Variants in DIP2C observed in about 807,000 individuals in gnomAD.
The protein encoded by DIP2C is DIP2 acetate--CoA ligase C (putative).
A neutral mutation model predicts 192.4 loss-of-function variants in DIP2C; 33 were observed. The ratio of observed to expected loss-of-function variants is 0.17; its 90% CI spans 0.13 to 0.23. The LOEUF is 0.23. DIP2C is among the 10% of genes least tolerant of loss of function. The probability of loss-of-function intolerance (pLI) is 1.00; values close to 1 mark genes in which losing one functional copy is unlikely to be tolerated. For synonymous variants in DIP2C, 979 were observed against 864.1 expected (o/e 1.13, Z -2.33); for missense variants, 1,537 against 2,110.1 (o/e 0.73, Z 5.32).
In DIP2C at chr10:276,566, G is replaced by A. The variant is rs1461356085; in HGVS notation, c.*759C>T. On this transcript the variant is annotated 3_prime_UTR_variant, in exon 37 of 37. Coordinates refer to ENST00000280886, the MANE Select transcript of DIP2C (RefSeq NM_014974.3). ...TTCTTGAATGTTTTTCTCTTTTATA[G>A]TTCTAAAGAGATCAAAATAAATTAA... 1 of 152,376 alleles carries A rather than the reference G, an allele frequency of 6.6e-6. No homozygotes were observed. The highest frequency in any genetic ancestry group is 1.5e-5 in the Non-Finnish European group (1 of 68,008). 9.4% of individuals were successfully genotyped at this position (152,376 alleles called of 1,614,324 possible).
chr10:370,480 C>T (rs1285242917), intron 17 of DIP2C, among the ~76,000 whole-genome samples: 2 of 152,220 alleles, frequency 1.3e-5, no homozygotes, highest in African/African-American at 4.8e-5. Context: ...AGTGTGCCCA[C>T]CCCACAGCAC....
At chr10:551,823 A>C (rs1848605020) in intron 1 of DIP2C, among the ~76,000 whole-genome samples, 2 of 152,194 alleles carry the variant, frequency 1.3e-5, no homozygotes, top group Non-Finnish European at 2.9e-5. Flanking sequence ...ACCTCGGGCC[A>C]CTGCACCTTT....
intron 1 of DIP2C, among the ~76,000 whole-genome samples, chr10:612,652 C>G (rs780870820): frequency 1.3e-5 from 2 of 152,128 alleles, no homozygotes; most frequent in Non-Finnish European, 2.9e-5. Context: ...TCCAAAGGGC[C>G]CGGCCACAGC....
chr10:446,846 T>C (rs1396537477), intron 3 of DIP2C, among the ~76,000 whole-genome samples: 1 of 152,210 alleles, frequency 6.6e-6, no homozygotes, highest in African/African-American at 2.4e-5. Context: ...TTTTCTCCTT[T>C]ATTTTTTGTC....
At chr10:518,572 T>TC (rs1030047007) in intron 1 of DIP2C, among the ~76,000 whole-genome samples, 12 of 152,240 alleles carry the variant, frequency 7.9e-5, no homozygotes, top group South Asian at 2.1e-4. Flanking sequence ...TCTCTTGCCC[T>TC]CCCACTGTGT....
At chr10:443,335 T>C (rs1383384257) in intron 3 of DIP2C, among the ~76,000 whole-genome samples, 1 of 152,246 alleles carries the variant, frequency 6.6e-6, no homozygotes, top group Non-Finnish European at 1.5e-5. Context: ...CTTCTGTCAA[T>C]ATGAACTCAT....
intron 1 of DIP2C, among the ~76,000 whole-genome samples, chr10:579,610 TAC>T (rs992246670): frequency 8.5e-5 from 13 of 152,104 alleles, no homozygotes; most frequent in African/African-American, 1.2e-4. Context: ...CCAAATAGTG[TAC>T]AAACATGTGC....
intron 29 of DIP2C, among the ~76,000 whole-genome samples, chr10:338,615 C>T (rs1957987501): frequency 6.6e-6 from 1 of 152,294 alleles, no homozygotes; most frequent in Admixed American, 6.5e-5. Flanking sequence ...AAGCAAACTC[C>T]ATGTTTACAT....
chr10:283,509 C>T (rs962935746), intron 34 of DIP2C, 63 bp from the exon 35 acceptor site: 4 of 1,576,568 alleles, frequency 2.5e-6, no homozygotes, highest in Non-Finnish European at 3.5e-6. Flanking sequence ...AATGAGACTA[C>T]AACTACTTTG....
At chr10:495,257 C>G (rs1045029563) in intron 1 of DIP2C, among the ~76,000 whole-genome samples, 2 of 152,092 alleles carry the variant, frequency 1.3e-5, no homozygotes, top group Admixed American at 6.6e-5. Context: ...CAAGGGCACA[C>G]ACTTCAAGAA....
chr10:484,987 T>C (rs1201093109), intron 2 of DIP2C: 5 of 1,554,918 alleles, frequency 3.2e-6, no homozygotes, highest in Non-Finnish European at 4.3e-6. Flanking sequence ...ATTCAAACTT[T>C]AGTTTTTTTT....
chr10:635,936 G>A (rs928907072), intron 1 of DIP2C, among the ~76,000 whole-genome samples: 5 of 152,148 alleles, frequency 3.3e-5, no homozygotes, highest in African/African-American at 4.8e-5. Flanking sequence ...GACGATCATC[G>A]AGATAGAGTC....
intron 1 of DIP2C, among the ~76,000 whole-genome samples, chr10:642,400 C>T (rs926617845): frequency 6.6e-6 from 1 of 152,340 alleles, no homozygotes; most frequent in South Asian, 2.1e-4. Context: ...CCTAAACACG[C>T]CCATCTCATC....
intron 1 of DIP2C, among the ~76,000 whole-genome samples, chr10:611,065 T>C (rs1465974478): frequency 6.6e-6 from 1 of 151,054 alleles, no homozygotes; most frequent in Non-Finnish European, 1.5e-5. Flanking sequence ...TAACACCCAG[T>C]GTTGGAGGTG....
intron 6 of DIP2C, among the ~76,000 whole-genome samples, chr10:418,140 C>A (rs564371168): frequency 7.6e-5 from 3 of 39,684 alleles, no homozygotes; most frequent in Non-Finnish European, 4.2e-5. Flanking sequence ...TCCCTGTCCA[C>A]CTGCACCTGT....
intron 1 of DIP2C, among the ~76,000 whole-genome samples, chr10:660,980 T>C (rs1007708181): frequency 2.0e-5 from 3 of 152,212 alleles, no homozygotes; most frequent in African/African-American, 7.2e-5. Context: ...TACGAGGCAT[T>C]TCAGGCAAAA....
intron 1 of DIP2C, among the ~76,000 whole-genome samples, chr10:557,769 G>GGGC (rs1848970928): frequency 4.4e-5 from 3 of 68,390 alleles, no homozygotes; most frequent in Non-Finnish European, 5.7e-5. Context: ...GGAGGGGGAG[G>GGGC]ATGGGCGGGG....
chr10:681,359 G>A (rs1316119485), intron 1 of DIP2C, among the ~76,000 whole-genome samples: 1 of 150,856 alleles, frequency 6.6e-6, no homozygotes, highest in Admixed American at 6.6e-5. Context: ...AGGGAATGCA[G>A]ACCCTCAGTC....
chr10:337,226 G>C (rs1356238549), intron 29 of DIP2C, among the ~76,000 whole-genome samples: 1 of 137,390 alleles, frequency 7.3e-6, no homozygotes, highest in Non-Finnish European at 1.5e-5. Context: ...GTGTGTGGTG[G>C]AGGCCTAGGC....
Sources: allele counts gnomAD v4.1 joint callset (sites outside exome capture counted in the v4.1 genomes callset), GRCh38; gene constraint gnomAD v4.1.1; transcripts MANE v1.5; gene names NCBI Gene and HGNC (gene_info 2026-07-23, HGNC 2026-07-21).